CCDC7: variants seen among roughly 807,000 people sequenced by gnomAD.
The protein encoded by CCDC7 is coiled-coil domain containing 7, also known as coiled-coil domain-containing protein 7.
CCDC7 carries 183 observed loss-of-function variants against 196.9 expected under a neutral mutation model. The observed-to-expected ratio is 0.93, with a 90% CI of 0.82 to 1.05. The LOEUF (loss-of-function observed/expected upper bound fraction) is 1.05, where lower values mean the gene tolerates loss of function less well. Among genes scored for constraint, CCDC7 ranks in the 50% least tolerant of loss-of-function variants. The probability of loss-of-function intolerance (pLI) is 0.00; values close to 1 mark genes in which losing one functional copy is unlikely to be tolerated. For missense variants in CCDC7, 1,540 were observed against 1,482.2 expected (o/e 1.04, Z -0.64); for synonymous variants, 525 against 484.6 (o/e 1.08, Z -1.10).
intron 25 of CCDC7, among the ~76,000 whole-genome samples, chr10:32,717,888 A>T (rs1303506890): frequency 1.1e-5 from 1 of 94,352 alleles, no homozygotes. Context: ...AGTAATTAAT[A>T]GCCTACCAAA....
At chr10:32,611,218 T>C (rs1033030330) in intron 18 of CCDC7, among the ~76,000 whole-genome samples, 3 of 152,260 alleles carry the variant, frequency 2.0e-5, no homozygotes, top group African/African-American at 7.2e-5. Flanking sequence ...ATAAATATCT[T>C]CTTTTGAAAA....
At chr10:32,568,445 C>T (rs975186764) in intron 15 of CCDC7, among the ~76,000 whole-genome samples, 7 of 151,868 alleles carry the variant, frequency 4.6e-5, no homozygotes, top group African/African-American at 1.7e-4. Flanking sequence ...TTATTTTTAC[C>T]TTCTCTTTTT....
chr10:32,581,565 A>G (rs968381767), intron 16 of CCDC7, among the ~76,000 whole-genome samples: 7 of 152,042 alleles, frequency 4.6e-5, no homozygotes, highest in African/African-American at 1.7e-4. Context: ...ACACCTTCCT[A>G]GTAGTTTTTA....
At chr10:32,636,257 T>A (rs2139648320) in intron 20 of CCDC7, among the ~76,000 whole-genome samples, 1 of 152,254 alleles carries the variant, frequency 6.6e-6, no homozygotes, top group South Asian at 2.1e-4. Context: ...ACTTTAAGAT[T>A]TAGGGTACCT....
chr10:32,704,960 CCGGGTGAGGCGATGCCTCGCCCTGCTT>C (rs1165509597), intron 24 of CCDC7, among the ~76,000 whole-genome samples: 1 of 152,168 alleles, frequency 6.6e-6, no homozygotes, highest in East Asian at 1.9e-4. Flanking sequence ...CTTGCACTTC[CCGGGTGAGGCGATGCCTCGCCCTGCTT>C]CGGGTCCCGC....
At position 32,487,185 on chromosome 10, in the gene CCDC7, C is replaced by A. The variant is rs141451811; in HGVS notation, c.797-4737C>A. Among the ~76,000 whole-genome samples the A allele has an allele frequency of 7.3e-3, 1,111 of 152,228 alleles. 14 individuals are homozygous for A. Among genetic ancestry groups the A allele is most frequent in the African/African-American group, 0.025 (1,057 of 41,536 alleles). ...TATTTCTTGGAGGCTTTGTTCGTTTCTTTTTATTCTTTTTTCTCTAAACTT... is the reference window on the plus strand; with the variant it reads ...TATTTCTTGGAGGCTTTGTTCGTTTATTTTTATTCTTTTTTCTCTAAACTT... On this transcript the variant is annotated intron_variant, in intron 8 of 41. Coordinates refer to ENST00000639629, the Ensembl canonical transcript of CCDC7.
chr10:32,542,187 A>G (rs374277729), intron 11 of CCDC7, among the ~76,000 whole-genome samples: 10 of 152,180 alleles, frequency 6.6e-5, no homozygotes, highest in South Asian at 2.1e-4. Flanking sequence ...ATGATCTTCT[A>G]CTACACAGCA....
At chr10:32,656,382 C>T (rs1476473923) in intron 20 of CCDC7, among the ~76,000 whole-genome samples, 4 of 152,122 alleles carry the variant, frequency 2.6e-5, no homozygotes, top group East Asian at 1.9e-4. Flanking sequence ...TGAAGAAATA[C>T]CTGAGACTGG....
chr10:32,796,932 A>G (rs1344897907), intron 29 of CCDC7, among the ~76,000 whole-genome samples: 1 of 152,162 alleles, frequency 6.6e-6, no homozygotes, highest in Non-Finnish European at 1.5e-5. Flanking sequence ...ACAGAATTCT[A>G]GGGGCATCAG....
chr10:32,714,374 T>C (rs933183170), intron 25 of CCDC7, among the ~76,000 whole-genome samples: 1 of 152,192 alleles, frequency 6.6e-6, no homozygotes, highest in African/African-American at 2.4e-5. Flanking sequence ...CTGGCCCAGA[T>C]ACTATGCTTT....
At chr10:32,634,341 C>A in exon 19 of CCDC7, 1 of 1,168,206 alleles carries the variant, frequency 8.6e-7, no homozygotes, top group Non-Finnish European at 1.1e-6. Context: ...AAACAAAGAA[C>A]TTCTAGTATG....
intron 33 of CCDC7, among the ~76,000 whole-genome samples, chr10:32,839,154 T>C (rs1483986918): frequency 6.6e-6 from 1 of 151,894 alleles, no homozygotes; most frequent in African/African-American, 2.4e-5. Context: ...TAACATTGAA[T>C]GTAAATGACC....
intron 29 of CCDC7, among the ~76,000 whole-genome samples, chr10:32,794,200 T>C (rs1257257077): frequency 6.6e-6 from 1 of 152,166 alleles, no homozygotes; most frequent in Non-Finnish European, 1.5e-5. Context: ...TGTCCCTGCA[T>C]TGTCTTAGGA....
At chr10:32,825,343 A>T (rs2090951548) in intron 32 of CCDC7, among the ~76,000 whole-genome samples, 1 of 152,170 alleles carries the variant, frequency 6.6e-6, no homozygotes. Context: ...AAAGGCAGAC[A>T]CATCCTTAAT....
intron 41 of CCDC7, among the ~76,000 whole-genome samples, chr10:32,860,947 G>T (rs1482893411): frequency 6.6e-6 from 1 of 152,008 alleles, no homozygotes; most frequent in Admixed American, 6.6e-5. Context: ...CATGGTCATG[G>T]ATAGGAAGAA....
At chr10:32,774,371 GT>G (rs1368034903) in intron 28 of CCDC7, among the ~76,000 whole-genome samples, 1 of 152,026 alleles carries the variant, frequency 6.6e-6, no homozygotes, top group Non-Finnish European at 1.5e-5. Context: ...CAGGACTGGA[GT>G]GAGCTTCCTG....
chr10:32,806,327 T>C (rs1423633819), intron 30 of CCDC7, among the ~76,000 whole-genome samples: 1 of 152,136 alleles, frequency 6.6e-6, no homozygotes, highest in African/African-American at 2.4e-5. Context: ...CATAAAAGTA[T>C]GAGTTATTCT....
intron 13 of CCDC7, among the ~76,000 whole-genome samples, chr10:32,552,937 T>C (rs1038407571): frequency 6.6e-6 from 1 of 152,204 alleles, no homozygotes; most frequent in South Asian, 2.1e-4. Flanking sequence ...CAGGTGTTCC[T>C]TGTGCTTCTT....
At chr10:32,456,307 A>G (rs756237974) in exon 3 of CCDC7, 3 of 1,573,800 alleles carry the variant, frequency 1.9e-6, no homozygotes, top group East Asian at 2.3e-5. Flanking sequence ...CAGCTCAGCT[A>G]GAAGAAGCAC....
Sources: gnomAD v4.1 joint callset for allele counts (sites outside exome capture counted in the v4.1 genomes callset) on GRCh38, gnomAD v4.1.1 for gene constraint, MANE v1.5 for transcripts, NCBI Gene and HGNC (gene_info 2026-07-23, HGNC 2026-07-21) for gene names.